The following USP2 variants were observed in gnomAD, a reference collection of about 807,000 sequenced individuals.
USP2 encodes the protein ubiquitin specific peptidase 2, also known as ubiquitin carboxyl-terminal hydrolase 2.
In USP2, 33 loss-of-function variants were observed where a neutral mutation model predicts 72.0. The observed-to-expected ratio is 0.46, with a 90% CI of 0.35 to 0.61. The LOEUF (loss-of-function observed/expected upper bound fraction) is 0.61, where lower values mean the gene tolerates loss of function less well. Ranked by LOEUF, USP2 falls within the 20% of genes least tolerant of loss-of-function variation. The probability of loss-of-function intolerance (pLI) is 0.01; values close to 1 mark genes in which losing one functional copy is unlikely to be tolerated. For synonymous variants in USP2, 296 were observed against 312.5 expected (o/e 0.95, Z 0.56); for missense variants, 691 against 797.8 (o/e 0.87, Z 1.61).
chr11:119,359,534 C>T lies in USP2; in HGVS notation c.949+3G>A. ...CAGGGGCACATGACAGAGGGCCTCT[C>T]ACCTTCCACGAGGGCTGTGTGTGCA... On this transcript the variant is annotated splice_donor_region_variant and intron_variant, in intron 4 of 12. Coordinates refer to ENST00000260187, the MANE Select transcript of USP2 (RefSeq NM_004205.5). The T allele has an allele frequency of 1.2e-6, 2 of 1,613,748 alleles. No individual in the cohort carries two copies. The highest frequency in any genetic ancestry group is 2.2e-5 in the South Asian group (2 of 91,058).
At position 119,359,284 on chromosome 11, in the gene USP2, T is replaced by C. The variant is rs754444983; in HGVS notation, c.1008A>G (p.Pro336=). 3.1e-6 allele frequency: 5 copies of C among 1,614,066 alleles called. No individual in the cohort carries two copies. In the East Asian group the frequency reaches 8.9e-5, roughly 29 times the overall value. The change falls in exon 5 of 13, where the codon CCA becomes CCG. Residue 336 remains proline, a synonymous_variant. Coordinates refer to ENST00000260187, the MANE Select transcript of USP2 (RefSeq NM_004205.5). ...WTSSPNDVVS[P]SEFKTQIQRY... ...TCTGGATCTGGGTCTTGAACTCAGA[T>C]GGGCTCACCACATCATTGGGGGATG...
intron 2 of USP2, among the ~76,000 whole-genome samples, chr11:119,361,589 A>G (rs116349850): frequency 1.8e-3 from 273 of 147,902 alleles, no homozygotes; most frequent in African/African-American, 6.4e-3. Flanking sequence ...CAGCAGCTCA[A>G]AGCCCATGAG....
Position 119,363,811 on chromosome 11 carries a change from G to C in USP2, c.775-3577C>G. 2.2e-6 allele frequency: 3 copies of C among 1,370,920 alleles called. 1 individual carries two copies. The South Asian group carries it at 5.1e-5, about 23-fold the overall frequency. 84.9% of individuals were successfully genotyped at this position (1,370,920 alleles called of 1,614,324 possible). A position where few individuals can be genotyped will look rare whatever the true frequency, so the allele number is the denominator to read the frequency against. On this transcript the variant is annotated intron_variant, in intron 2 of 12. Coordinates refer to ENST00000260187, the MANE Select transcript of USP2 (RefSeq NM_004205.5). ...GGCCAGGGAGAAGGCGGGACCCCAG[G>C]CCCTCGGCGCGGGGGTCCCGGAAAA...
At chr11:119,359,184 G>A in intron 5 of USP2, 47 bp downstream of exon 5, 2 of 1,611,832 alleles carry the variant, frequency 1.2e-6, no homozygotes, top group Non-Finnish European at 8.5e-7. Flanking sequence ...CTAAGAACCT[G>A]CTCCTACTGC....
chr11:119,377,494 G>A (rs1951016350), intron 1 of USP2, among the ~76,000 whole-genome samples: 1 of 152,184 alleles, frequency 6.6e-6, no homozygotes, highest in Non-Finnish European at 1.5e-5. Context: ...GTGAAGCCAG[G>A]TGCAACTCGA....
chr11:119,365,305 C>A (rs1430673524), intron 2 of USP2, among the ~76,000 whole-genome samples: 1 of 152,040 alleles, frequency 6.6e-6, no homozygotes, highest in Non-Finnish European at 1.5e-5. Context: ...TATGGCAGTA[C>A]CCCAGGCCAC....
intron 2 of USP2, chr11:119,364,111 A>C: frequency 8.2e-7 from 1 of 1,226,080 alleles, no homozygotes; most frequent in Non-Finnish European, 1.0e-6. Context: ...CCGCTACAGG[A>C]CAGCGTCCGC....
In USP2 at chr11:119,372,893, GACCAGGTATTCAGGGCA is replaced by G; in HGVS notation, c.571_587del (p.Cys191ArgfsTer26). 1 of 1,610,350 alleles carries G rather than the reference GACCAGGTATTCAGGGCA, an allele frequency of 6.2e-7. No individual in the cohort carries two copies. Among genetic ancestry groups the G allele is most frequent in the East Asian group, 2.2e-5 (1 of 44,860 alleles). On this transcript the variant is annotated frameshift_variant, in exon 2 of 13. Coordinates refer to ENST00000260187, the MANE Select transcript of USP2 (RefSeq NM_004205.5). LOFTEE classifies it high-confidence loss of function. ...TGCGACCATAGTTCTCCAGGTAGTC[GACCAGGTATTCAGGGCA>G]GCTGGCTGTCTGGTAGAGCCCCTGC...
At chr11:119,367,097 T>A (rs1950863945) in intron 2 of USP2, among the ~76,000 whole-genome samples, 3 of 152,128 alleles carry the variant, frequency 2.0e-5, no homozygotes, top group African/African-American at 7.2e-5. Context: ...CCCTTTCTCT[T>A]CACTGCCATT....
chr11:119,374,998 C>A (rs1347820687), intron 1 of USP2, among the ~76,000 whole-genome samples: 1 of 152,244 alleles, frequency 6.6e-6, no homozygotes, highest in Admixed American at 6.5e-5. Flanking sequence ...ATCTCCTCCC[C>A]CAGCTACTGC....
At chr11:119,363,898 G>C (rs778450203) in intron 2 of USP2, 5 of 1,379,898 alleles carry the variant, frequency 3.6e-6, no homozygotes, top group Non-Finnish European at 2.8e-6. Context: ...CAGCAGGGAC[G>C]GGGAGAGAGG....
intron 1 of USP2, among the ~76,000 whole-genome samples, chr11:119,379,617 G>C (rs1951037624): frequency 6.6e-6 from 1 of 152,128 alleles, no homozygotes; most frequent in African/African-American, 2.4e-5. Flanking sequence ...GGGATTGGAG[G>C]CTAGTTCTTT....
chr11:119,364,275 G>C lies in USP2; in HGVS notation c.775-4041C>G, dbSNP rs1396536673. The C allele has an allele frequency of 1.3e-5, 10 of 766,196 alleles. No individual in the cohort carries two copies. In the African/African-American group the frequency reaches 1.9e-4, roughly 14 times the overall value. 47.5% of individuals were successfully genotyped at this position (766,196 alleles called of 1,614,324 possible). A position where few individuals can be genotyped will look rare whatever the true frequency, so the allele number is the denominator to read the frequency against. ...GGGGCGGGGCCAGGCCCTAAGCCCC[G>C]CCCCACCTCGCCTCTACCCCGCCCC... is the stretch of plus-strand genomic sequence containing the variant. On this transcript the variant is annotated intron_variant, in intron 2 of 12. Coordinates refer to ENST00000260187, the MANE Select transcript of USP2 (RefSeq NM_004205.5).
chr11:119,375,450 A>T (rs1269101962), intron 1 of USP2, among the ~76,000 whole-genome samples: 1 of 152,118 alleles, frequency 6.6e-6, no homozygotes, highest in Non-Finnish European at 1.5e-5. Flanking sequence ...CTGGCCCTTC[A>T]TGTACACTCC....
intron 1 of USP2, among the ~76,000 whole-genome samples, chr11:119,381,069 T>C (rs879429954): frequency 1.3e-5 from 2 of 152,134 alleles, no homozygotes; most frequent in African/African-American, 2.4e-5. Context: ...TTCCGCTTAA[T>C]TGTTGCCCAA....
chr11:119,380,050 G>A (rs1023653805), intron 1 of USP2, among the ~76,000 whole-genome samples: 1 of 151,092 alleles, frequency 6.6e-6, no homozygotes, highest in Non-Finnish European at 1.5e-5. Flanking sequence ...GAGTAGCTGG[G>A]ACTACAGGCT....
chr11:119,361,833 A>AGG (rs1950769900), intron 2 of USP2, among the ~76,000 whole-genome samples: 2 of 152,112 alleles, frequency 1.3e-5, no homozygotes, highest in East Asian at 3.9e-4. Context: ...TCCTTAGAGA[A>AGG]CTTGGCTAGG....
At chr11:119,364,716 A>G (rs1318876617) in intron 2 of USP2, among the ~76,000 whole-genome samples, 2 of 152,132 alleles carry the variant, frequency 1.3e-5, no homozygotes, top group African/African-American at 2.4e-5. Context: ...GTGGAGGTCA[A>G]TGTGCCCAGG....
rs1197876741 is a variant in USP2, at chr11:119,358,772, C to T, written c.1237+1G>A. 14 of 1,613,980 alleles carry T rather than the reference C, an allele frequency of 8.7e-6. No individual in the cohort carries two copies. The highest frequency in any genetic ancestry group is 1.3e-5 in the African/African-American group (1 of 74,928). On this transcript the variant is annotated splice_donor_variant, in intron 7 of 12. Transcript: ENST00000260187. LOFTEE classifies it high-confidence loss of function. ...AGGCATCTTCCCTTTCATGCGCTTA[C>T]CCCCGATCCTACTGTCTTCCCGTTC... is the stretch of plus-strand genomic sequence containing the variant.
Sources: allele counts gnomAD v4.1 joint callset (sites outside exome capture counted in the v4.1 genomes callset), GRCh38; gene constraint gnomAD v4.1.1; transcripts MANE v1.5; gene names NCBI Gene and HGNC (gene_info 2026-07-23, HGNC 2026-07-21).